NELL1: variants seen among roughly 807,000 people sequenced by gnomAD.
The protein encoded by NELL1 is protein kinase C-binding protein NELL1.
Under a neutral mutation model 107.4 loss-of-function variants are expected in NELL1, and 76 were observed. The observed-to-expected ratio is 0.71, with a 90% CI of 0.59 to 0.86. The LOEUF (loss-of-function observed/expected upper bound fraction) is 0.86, where lower values mean the gene tolerates loss of function less well. Ranked by LOEUF, NELL1 falls within the 40% of genes least tolerant of loss-of-function variation. NELL1 has a pLI of 0.00. For synonymous variants in NELL1, 353 were observed against 341.2 expected (o/e 1.03, Z -0.38); for missense variants, 1,024 against 1,005.5 (o/e 1.02, Z -0.25).
intron 11 of NELL1, among the ~76,000 whole-genome samples, chr11:20,956,473 C>A (rs1209140093): frequency 1.3e-5 from 2 of 151,772 alleles, no homozygotes; most frequent in Non-Finnish European, 2.9e-5. Flanking sequence ...GGTGAAACCC[C>A]GTCTCTACTA....
chr11:20,764,238 T>G (rs924230886), intron 2 of NELL1, among the ~76,000 whole-genome samples: 1 of 152,226 alleles, frequency 6.6e-6, no homozygotes, highest in Admixed American at 6.5e-5. Context: ...AGGGTAGGAT[T>G]GGATTTTGCC....
At chr11:21,167,703 T>C (rs994602209) in intron 13 of NELL1, among the ~76,000 whole-genome samples, 1 of 151,838 alleles carries the variant, frequency 6.6e-6, no homozygotes, top group Non-Finnish European at 1.5e-5. Context: ...CCAGTTATGT[T>C]GGTCTTCTTT....
intron 10 of NELL1, among the ~76,000 whole-genome samples, chr11:20,939,270 T>C (rs1350391433): frequency 6.6e-6 from 1 of 151,896 alleles, no homozygotes; most frequent in Non-Finnish European, 1.5e-5. Context: ...TTTTCCCAAG[T>C]AGCCAAAACC....
intron 16 of NELL1, among the ~76,000 whole-genome samples, chr11:21,557,016 T>C (rs939822028): frequency 4.6e-5 from 7 of 151,996 alleles, no homozygotes; most frequent in Non-Finnish European, 7.4e-5. Flanking sequence ...ACAGTTGCAA[T>C]ATGTAAATAG....
intron 14 of NELL1, among the ~76,000 whole-genome samples, chr11:21,317,147 G>T (rs2133658308): frequency 6.6e-6 from 1 of 152,056 alleles, no homozygotes; most frequent in Admixed American, 6.6e-5. Flanking sequence ...TGAGACTAGA[G>T]CAAGAATTTA....
chr11:21,412,980 T>C (rs529405977), intron 15 of NELL1, among the ~76,000 whole-genome samples: 1 of 152,134 alleles, frequency 6.6e-6, no homozygotes, highest in Non-Finnish European at 1.5e-5. Flanking sequence ...CCCCTGATTA[T>C]GGCACACTCT....
At chr11:21,467,312 A>G (rs1327713797) in intron 15 of NELL1, among the ~76,000 whole-genome samples, 1 of 152,096 alleles carries the variant, frequency 6.6e-6, no homozygotes, top group Non-Finnish European at 1.5e-5. Flanking sequence ...GAACTCAATG[A>G]GTCAATAATG....
intron 2 of NELL1, among the ~76,000 whole-genome samples, chr11:20,748,813 G>T (rs770738540): frequency 2.3e-4 from 34 of 150,108 alleles, no homozygotes; most frequent in Non-Finnish European, 3.7e-4. Context: ...CCACTCATCA[G>T]TTGATGGGCA....
chr11:20,895,919 T>C (rs968213236), intron 5 of NELL1, among the ~76,000 whole-genome samples: 41 of 152,328 alleles, frequency 2.7e-4, no homozygotes, highest in African/African-American at 9.9e-4. Context: ...TGAATAGTAT[T>C]TCATTGTGTA....
At chr11:21,424,860 C>T (rs930179435) in intron 15 of NELL1, among the ~76,000 whole-genome samples, 4 of 152,052 alleles carry the variant, frequency 2.6e-5, no homozygotes, top group Non-Finnish European at 5.9e-5. Context: ...TTCTACCAAA[C>T]ATTTACAGAA....
intron 14 of NELL1, among the ~76,000 whole-genome samples, chr11:21,343,787 T>A (rs1301552334): frequency 6.6e-6 from 1 of 152,126 alleles, no homozygotes; most frequent in Non-Finnish European, 1.5e-5. Context: ...GGGTTGTAGG[T>A]TGCCAACCCC....
At chr11:21,073,669 C>T (rs551994140) in intron 12 of NELL1, among the ~76,000 whole-genome samples, 6 of 152,166 alleles carry the variant, frequency 3.9e-5, no homozygotes, top group Admixed American at 3.3e-4. Flanking sequence ...TGAACAAGCA[C>T]AGTCAGGGAA....
chr11:21,340,735 C>T (rs1254116442), intron 14 of NELL1, among the ~76,000 whole-genome samples: 1 of 151,812 alleles, frequency 6.6e-6, no homozygotes, highest in African/African-American at 2.4e-5. Flanking sequence ...GATATTTCTA[C>T]AAGCTAAGGA....
chr11:21,037,412 G>A (rs1017062373), intron 12 of NELL1, among the ~76,000 whole-genome samples: 4 of 152,032 alleles, frequency 2.6e-5, no homozygotes, highest in Admixed American at 2.0e-4. Context: ...GAAACTGTCA[G>A]TGTAGGCCTG....
chr11:20,871,305 T>C (rs1849191882), intron 4 of NELL1, among the ~76,000 whole-genome samples: 1 of 152,172 alleles, frequency 6.6e-6, no homozygotes, highest in African/African-American at 2.4e-5. Flanking sequence ...GTGGAGAGTG[T>C]ATCTGGCTGG....
chr11:20,889,958 G>A (rs924153983), intron 5 of NELL1, among the ~76,000 whole-genome samples: 7 of 152,148 alleles, frequency 4.6e-5, no homozygotes, highest in Admixed American at 3.9e-4. Flanking sequence ...CAGTCTAGAC[G>A]AGTAGGTTTC....
chr11:21,283,029 G>A (rs1849032422), intron 14 of NELL1, among the ~76,000 whole-genome samples: 1 of 151,844 alleles, frequency 6.6e-6, no homozygotes, highest in African/African-American at 2.4e-5. Context: ...AGCTGGGAAG[G>A]ATAGTGGGGG....
At chr11:20,847,916 C>A (rs566288334) in intron 4 of NELL1, among the ~76,000 whole-genome samples, 163 bp downstream of exon 4, 1 of 152,140 alleles carries the variant, frequency 6.6e-6, no homozygotes, top group Non-Finnish European at 1.5e-5. Context: ...GCTGAAATGA[C>A]CAACTGTAAT....
At chr11:20,977,528 T>C (rs1394024847) in intron 12 of NELL1, among the ~76,000 whole-genome samples, 1 of 152,204 alleles carries the variant, frequency 6.6e-6, no homozygotes, top group Non-Finnish European at 1.5e-5. Flanking sequence ...CCTCCCAAAA[T>C]GCTGGGATTA....
Sources: allele counts gnomAD v4.1 joint callset (sites outside exome capture counted in the v4.1 genomes callset), GRCh38; gene constraint gnomAD v4.1.1; transcripts MANE v1.5; gene names NCBI Gene and HGNC (gene_info 2026-07-23, HGNC 2026-07-21).